Variants in PDS5B observed in about 807,000 individuals in gnomAD.
The protein encoded by PDS5B is sister chromatid cohesion protein PDS5 homolog B.
PDS5B carries 51 observed loss-of-function variants against 184.1 expected under a neutral mutation model. That is an observed-to-expected ratio of 0.28 (90% confidence interval 0.22 to 0.35). The LOEUF is 0.35. Among genes scored for constraint, PDS5B ranks in the 10% least tolerant of loss-of-function variants. PDS5B has a pLI of 1.00. For synonymous variants in PDS5B, 566 were observed against 569.2 expected (o/e 0.99, Z 0.08); for missense variants, 1,180 against 1,723.3 (o/e 0.68, Z 5.58).
intron 1 of PDS5B, among the ~76,000 whole-genome samples, chr13:32,614,936 T>C (rs1593265372): frequency 6.6e-6 from 1 of 152,228 alleles, no homozygotes; most frequent in Non-Finnish European, 1.5e-5. Context: ...TTGAGCTTAG[T>C]TGAGTTTGTC....
At chr13:32,595,343 A>G (rs2057846552) in intron 1 of PDS5B, among the ~76,000 whole-genome samples, 1 of 152,138 alleles carries the variant, frequency 6.6e-6, no homozygotes, top group South Asian at 2.1e-4. Context: ...TTATATGCAC[A>G]TATATACTCC....
intron 19 of PDS5B, among the ~76,000 whole-genome samples, chr13:32,716,230 G>A (rs1023035461): frequency 7.3e-5 from 11 of 151,340 alleles, no homozygotes; most frequent in Non-Finnish European, 1.6e-4. Flanking sequence ...GCCTCTTCCC[G>A]GCCGCCATCC....
intron 14 of PDS5B, among the ~76,000 whole-genome samples, chr13:32,694,872 A>G (rs1317911848): frequency 6.7e-6 from 1 of 149,622 alleles, no homozygotes; most frequent in Non-Finnish European, 1.5e-5. Context: ...GAAATGCTGT[A>G]TGTAGACATG....
rs116826012 is a variant in PDS5B at position 32,748,137 on chromosome 13, A to C, written c.2736+2037A>C. Among the ~76,000 whole-genome samples the C allele has an allele frequency of 2.6e-3, 400 of 152,296 alleles. 1 individual carries two copies. Among genetic ancestry groups the C allele is most frequent in the African/African-American group, 8.8e-3 (364 of 41,560 alleles). Reference sequence around the variant, plus strand: ...CTTCTCACAACTTAGAAACATATCAAATTACCCTATTTTAAGCAAAGCTTT... The same window carrying C: ...CTTCTCACAACTTAGAAACATATCACATTACCCTATTTTAAGCAAAGCTTT... On this transcript the variant is annotated intron_variant, in intron 24 of 34. Transcript: ENST00000315596.
intron 31 of PDS5B, among the ~76,000 whole-genome samples, 183 bp downstream of exon 31, chr13:32,764,777 T>G (rs760344306): frequency 1.3e-5 from 2 of 152,192 alleles, no homozygotes; most frequent in Non-Finnish European, 1.5e-5. Context: ...GAATCTGTGC[T>G]TCTTATCAAT....
intron 1 of PDS5B, among the ~76,000 whole-genome samples, chr13:32,592,549 GC>G (rs55944634): frequency 0.34 from 51,373 of 151,960 alleles, 8,920 homozygotes; most frequent in Non-Finnish European, 0.38. Flanking sequence ...GAGCCACTGC[GC>G]CCTGGCCTAA....
intron 1 of PDS5B, among the ~76,000 whole-genome samples, chr13:32,623,196 T>C (rs1481646944): frequency 1.3e-5 from 2 of 152,196 alleles, no homozygotes; most frequent in Non-Finnish European, 2.9e-5. Flanking sequence ...GAATTCAAAG[T>C]CTGAAAAATA....
chr13:32,644,640 A>G (rs138380043), intron 1 of PDS5B, among the ~76,000 whole-genome samples: 1 of 152,136 alleles, frequency 6.6e-6, no homozygotes, highest in African/African-American at 2.4e-5. Context: ...AAAGCTTTTA[A>G]TGGATTGTCA....
intron 26 of PDS5B, 130 bp downstream of exon 26, chr13:32,756,086 T>G: frequency 1.9e-6 from 1 of 520,632 alleles, no homozygotes. Flanking sequence ...GGTTCTTTAT[T>G]TGCTCTCTTG....
intron 2 of PDS5B, chr13:32,650,733 C>T (rs1366168612): frequency 1.3e-5 from 2 of 152,208 alleles, no homozygotes; most frequent in Non-Finnish European, 2.9e-5. Flanking sequence ...TGGTATCTGG[C>T]ATAATAGAAC....
chr13:32,686,338 G>T (rs1282715699), intron 11 of PDS5B, among the ~76,000 whole-genome samples: 1 of 152,158 alleles, frequency 6.6e-6, no homozygotes, highest in Non-Finnish European at 1.5e-5. Flanking sequence ...TTTACATTCA[G>T]CATTTGATAA....
At chr13:32,629,083 CTG>C (rs1398029203) in intron 1 of PDS5B, among the ~76,000 whole-genome samples, 10 of 152,156 alleles carry the variant, frequency 6.6e-5, no homozygotes, top group African/African-American at 2.4e-4. Flanking sequence ...AAATTTTTCT[CTG>C]TGAACTTTCT....
chr13:32,658,199 G>A (rs533700078), intron 3 of PDS5B, 40 bp from the exon 4 acceptor site: 104 of 907,614 alleles, frequency 1.1e-4, no homozygotes, highest in South Asian at 8.7e-4. Context: ...TTCATTTAGC[G>A]TTCATAATCT....
At chr13:32,651,519 T>A (rs1300406558) in intron 2 of PDS5B, among the ~76,000 whole-genome samples, 1 of 152,258 alleles carries the variant, frequency 6.6e-6, no homozygotes, top group African/African-American at 2.4e-5. Context: ...ACAAATATTC[T>A]ATTGGAATTC....
chr13:32,664,114 A>G (rs1327523955), intron 6 of PDS5B, among the ~76,000 whole-genome samples: 1 of 152,162 alleles, frequency 6.6e-6, no homozygotes, highest in Non-Finnish European at 1.5e-5. Flanking sequence ...TTATCCACTC[A>G]TCAGTCAGTG....
intron 1 of PDS5B, among the ~76,000 whole-genome samples, chr13:32,625,681 A>C (rs1321365215): frequency 2.0e-5 from 3 of 152,138 alleles, no homozygotes; most frequent in Admixed American, 2.0e-4. Context: ...TAAAGTAGAA[A>C]ACCTCAGAAT....
chr13:32,718,051 G>T (rs1407609283), intron 19 of PDS5B, among the ~76,000 whole-genome samples: 1 of 152,092 alleles, frequency 6.6e-6, no homozygotes, highest in Non-Finnish European at 1.5e-5. Flanking sequence ...GAGAGCGTTG[G>T]TACAATATTA....
intron 25 of PDS5B, among the ~76,000 whole-genome samples, chr13:32,754,058 TC>T (rs1488748273): frequency 6.6e-6 from 1 of 152,124 alleles, no homozygotes; most frequent in Non-Finnish European, 1.5e-5. Flanking sequence ...ATACCTTTTT[TC>T]CCTCCTCTCA....
chr13:32,638,600 C>T (rs193086085), intron 1 of PDS5B, among the ~76,000 whole-genome samples: 162 of 152,064 alleles, frequency 1.1e-3, no homozygotes, highest in Admixed American at 3.5e-3. Flanking sequence ...ATTTTCTTTC[C>T]CTTCCTGCCT....
Sources: allele counts gnomAD v4.1 joint callset (sites outside exome capture counted in the v4.1 genomes callset), GRCh38; gene constraint gnomAD v4.1.1; transcripts MANE v1.5; gene names NCBI Gene and HGNC (gene_info 2026-07-23, HGNC 2026-07-21).